TUBB6: variants seen among roughly 807,000 people sequenced by gnomAD.
TUBB6 encodes tubulin beta 6 class V.
In TUBB6, 18 loss-of-function variants were observed where a neutral mutation model predicts 32.3. The ratio of observed to expected loss-of-function variants is 0.56; its 90% CI spans 0.39 to 0.83. The LOEUF (loss-of-function observed/expected upper bound fraction) is 0.83, where lower values mean the gene tolerates loss of function less well. Ranked by LOEUF, TUBB6 falls within the 40% of genes least tolerant of loss-of-function variation. TUBB6 has a pLI of 0.00. For missense variants in TUBB6, 480 were observed against 632.0 expected, an observed-to-expected ratio of 0.76 and a Z score of 2.58; for synonymous variants, 280 against 265.8, an observed-to-expected ratio of 1.05 and a Z score of -0.52.
At chr18:12,328,212 G>C (rs985503193), downstream of TUBB6, among the ~76,000 whole-genome samples, 1 of 152,240 alleles carries the variant, frequency 6.6e-6, no homozygotes, top group Non-Finnish European at 1.5e-5. Flanking sequence ...TGCATGGCCT[G>C]GGGCCATGGC....
At chr18:12,321,346 A>C (rs147714700) in intron 3 of TUBB6, among the ~76,000 whole-genome samples, 1 of 152,160 alleles carries the variant, frequency 6.6e-6, no homozygotes, top group Non-Finnish European at 1.5e-5. Context: ...ATCCCCCCCA[A>C]GAGTAGAGCC....
At chr18:12,308,636 TC>T in intron 1 of TUBB6, 50 bp from the exon 2 acceptor site, 1 of 1,345,672 alleles carries the variant, frequency 7.4e-7, no homozygotes, top group African/African-American at 1.4e-5. Flanking sequence ...GGTGGCGGCG[TC>T]CCGGGCTCTG....
At chr18:12,329,322 G>T (rs1332489718), downstream of TUBB6, 2 of 675,740 alleles carry the variant, frequency 3.0e-6, no homozygotes, top group Non-Finnish European at 2.7e-6. Flanking sequence ...TTTCCAGCAC[G>T]TCTGGGAGCC....
At position 12,319,047 on chromosome 18, in the gene TUBB6, CT is replaced by C. The variant is rs1306586527; in HGVS notation, c.278-6019del. On this transcript the variant is annotated intron_variant, in intron 3 of 3. Transcript: ENST00000317702. ...AAAGGGAAAGCTGTCATCCCTTCTA[CT>C]GGTGGCCCCTGAGGTTTTATTCCCT... Among the ~76,000 whole-genome samples, 7 of 152,252 alleles carry C rather than the reference CT, an allele frequency of 4.6e-5. No homozygotes were observed. The East Asian group carries it at 1.3e-3, about 29-fold the overall frequency.
chr18:12,308,713 C>T lies in TUBB6; in HGVS notation c.84C>T (p.His28=), dbSNP rs1290456566. The part of the protein sequence containing the change: ...TKFWEVISDE[H]GIDPAGGYVG... Reference sequence around the variant, plus strand: ...TTTGGGAAGTGATCAGCGATGAGCACGGCATCGACCCGGCCGGAGGCTACG... The same window carrying T: ...TTTGGGAAGTGATCAGCGATGAGCATGGCATCGACCCGGCCGGAGGCTACG... The change falls in exon 2 of 4, where the codon CAC becomes CAT. Residue 28 remains histidine, a synonymous_variant. Transcript: ENST00000317702. 1.9e-6 allele frequency: 3 copies of T among 1,612,656 alleles called. No individual in the cohort carries two copies. The highest frequency in any genetic ancestry group is 1.1e-5 in the South Asian group (1 of 91,050).
chr18:12,310,921 G>T, intron 2 of TUBB6, 22 bp from the exon 3 acceptor site: 1 of 1,547,556 alleles, frequency 6.5e-7, no homozygotes, highest in South Asian at 1.2e-5. Flanking sequence ...TAACTCTTGT[G>T]GGTGGTTCTT....
At chr18:12,316,908 C>T (rs1230379398) in intron 3 of TUBB6, among the ~76,000 whole-genome samples, 1 of 152,118 alleles carries the variant, frequency 6.6e-6, no homozygotes, top group East Asian at 1.9e-4. Context: ...CCTGTAATTC[C>T]AGCACTTTGG....
chr18:12,315,975 G>C (rs1409048788), intron 3 of TUBB6, among the ~76,000 whole-genome samples: 4 of 152,222 alleles, frequency 2.6e-5, no homozygotes, highest in Non-Finnish European at 4.4e-5. Context: ...TCTCAAAGGT[G>C]TGGTCACGGA....
intron 3 of TUBB6, among the ~76,000 whole-genome samples, chr18:12,317,474 A>C (rs1249710560): frequency 5.1e-5 from 1 of 19,576 alleles, no homozygotes; most frequent in African/African-American, 8.3e-5. Flanking sequence ...TCTCAAAAAA[A>C]AGAAAAGAAA....
chr18:12,318,959 TAAAAC>T (rs1175536451), intron 3 of TUBB6, among the ~76,000 whole-genome samples: 1 of 152,110 alleles, frequency 6.6e-6, no homozygotes, highest in Non-Finnish European at 1.5e-5. Flanking sequence ...ATGTCAAAGT[TAAAAC>T]AAAGTGCTTG....
chr18:12,320,012 T>C (rs569986820), intron 3 of TUBB6, among the ~76,000 whole-genome samples: 135 of 151,920 alleles, frequency 8.9e-4, no homozygotes, highest in African/African-American at 3.1e-3. Flanking sequence ...ATGGTCTCAA[T>C]CTCCTGACCT....
downstream of TUBB6, among the ~76,000 whole-genome samples, chr18:12,328,026 A>C (rs1907393581): frequency 6.6e-6 from 1 of 152,212 alleles, no homozygotes; most frequent in Non-Finnish European, 1.5e-5. Flanking sequence ...ACCTCCCAAA[A>C]ACACCCTATG....
At chr18:12,329,720 G>A, downstream of TUBB6, 1 of 1,614,086 alleles carries the variant, frequency 6.2e-7, no homozygotes, top group Non-Finnish European at 8.5e-7. Context: ...AATGGTCTGG[G>A]GCCCAAAAGT....
downstream of TUBB6, among the ~76,000 whole-genome samples, chr18:12,328,401 ATGCCATCTTTTT>A (rs1439608135): frequency 1.3e-5 from 2 of 152,232 alleles, no homozygotes; most frequent in Non-Finnish European, 2.9e-5. Flanking sequence ...AATCTTCCTC[ATGCCATCTTTTT>A]TAAGGAATTT....
chr18:12,308,584 C>A (rs1906143991), intron 1 of TUBB6, 103 bp from the exon 2 acceptor site: 3 of 918,564 alleles, frequency 3.3e-6, no homozygotes, highest in East Asian at 2.7e-5. Flanking sequence ...GCGGCTCAGG[C>A]GCGCCTGGAA....
intron 3 of TUBB6, among the ~76,000 whole-genome samples, chr18:12,315,632 G>A (rs1035302865): frequency 3.9e-5 from 6 of 152,198 alleles, no homozygotes; most frequent in African/African-American, 1.2e-4. Context: ...GTAAAACAGA[G>A]AAACCTGCAC....
At chr18:12,318,789 G>A (rs1022586730) in intron 3 of TUBB6, among the ~76,000 whole-genome samples, 2 of 151,988 alleles carry the variant, frequency 1.3e-5, no homozygotes, top group Admixed American at 6.6e-5. Flanking sequence ...ATGGGGTCTC[G>A]CCTTGTCACC....
In TUBB6 at chr18:12,309,643, G is replaced by A. The variant is rs554954258; in HGVS notation, c.166+848G>A. On this transcript the variant is annotated intron_variant, in intron 2 of 3. Transcript: ENST00000317702. Reference sequence around the variant, plus strand: ...GATGAAATTTCTAGAGGACACTAAGGATAGTTCCAGTATACACTGCACTTC... The same window carrying A: ...GATGAAATTTCTAGAGGACACTAAGAATAGTTCCAGTATACACTGCACTTC... Among the ~76,000 whole-genome samples, 6 of 152,136 alleles carry A rather than the reference G, an allele frequency of 3.9e-5. No individual in the cohort carries two copies. The South Asian group carries it at 1.2e-3, about 32-fold the overall frequency.
At chr18:12,315,805 C>G (rs7505255) in intron 3 of TUBB6, among the ~76,000 whole-genome samples, 16,711 of 152,244 alleles carry the variant, frequency 0.11, 947 homozygotes, top group Middle Eastern at 0.19. Flanking sequence ...GTATATAATT[C>G]TACATAGTTG....
Sources: allele counts gnomAD v4.1 joint callset (sites outside exome capture counted in the v4.1 genomes callset), GRCh38; gene constraint gnomAD v4.1.1; transcripts MANE v1.5; gene names NCBI Gene and HGNC (gene_info 2026-07-23, HGNC 2026-07-21).